Variants in VWA3B observed in about 807,000 individuals in gnomAD.
VWA3B encodes the protein von Willebrand factor A domain-containing protein 3B.
Under a neutral mutation model 158.3 loss-of-function variants are expected in VWA3B, and 138 were observed. That is an observed-to-expected ratio of 0.87 (90% CI 0.76 to 1.00). VWA3B has a LOEUF of 1.00. Among genes scored for constraint, VWA3B ranks in the 50% least tolerant of loss-of-function variants. The pLI is 0.00. For synonymous variants in VWA3B, 596 were observed against 587.3 expected, an observed-to-expected ratio of 1.01 and a Z score of -0.21; for missense variants, 1,555 against 1,565.1, an observed-to-expected ratio of 0.99 and a Z score of 0.11.
chr2:98,268,503 C>T (rs1687995860), intron 21 of VWA3B, among the ~76,000 whole-genome samples: 1 of 152,028 alleles, frequency 6.6e-6, no homozygotes, highest in African/African-American at 2.4e-5. Flanking sequence ...TTCTTCAGCT[C>T]TAGAATTTCT....
chr2:98,314,965 C>T (rs1447830166), downstream of VWA3B, among the ~76,000 whole-genome samples: 20 of 147,982 alleles, frequency 1.4e-4, no homozygotes, highest in Non-Finnish European at 2.2e-4. Flanking sequence ...GAGGTTACTC[C>T]GGAGCAAGAG....
At chr2:98,134,375 G>A (rs533629782) in intron 7 of VWA3B, among the ~76,000 whole-genome samples, 29 of 152,264 alleles carry the variant, frequency 1.9e-4, no homozygotes, top group African/African-American at 6.0e-4. Flanking sequence ...TTGTGAGGGC[G>A]GAGGCCGCAC....
intron 12 of VWA3B, among the ~76,000 whole-genome samples, chr2:98,199,584 C>A (rs947682705): frequency 1.3e-5 from 2 of 152,112 alleles, no homozygotes; most frequent in African/African-American, 4.8e-5. Context: ...AGGAGGGGGC[C>A]CTGAACTTAA....
At chr2:98,311,347 A>T (rs1013989819) in intron 26 of VWA3B, among the ~76,000 whole-genome samples, 1 of 152,234 alleles carries the variant, frequency 6.6e-6, no homozygotes, top group African/African-American at 2.4e-5. Context: ...TGTCATTACA[A>T]ATCATACCAT....
At chr2:98,320,917 A>T in the VWA3B span, among the ~76,000 whole-genome samples, 3 of 152,236 alleles carry the variant, frequency 2.0e-5, no homozygotes, top group Non-Finnish European at 4.4e-5. Context: ...AAATGTCTCC[A>T]GGCCCTGTCA....
intron 26 of VWA3B, among the ~76,000 whole-genome samples, chr2:98,306,215 G>A (rs1233188649): frequency 6.6e-6 from 1 of 151,732 alleles, no homozygotes; most frequent in Non-Finnish European, 1.5e-5. Flanking sequence ...GTAGTGAGGT[G>A]GCCCCACGGC....
chr2:98,169,267 T>C (rs887902299), intron 8 of VWA3B, among the ~76,000 whole-genome samples: 1 of 152,176 alleles, frequency 6.6e-6, no homozygotes, highest in Admixed American at 6.5e-5. Flanking sequence ...AATAAAAACA[T>C]TTTCAGACAT....
At position 98,279,902 on chromosome 2, in the gene VWA3B, G is replaced by T. The variant is rs192786302; in HGVS notation, c.3045+9019G>T. ...GAGAGCAAGGGGGATGCGTGAGTGG[G>T]GGCGGAATAGCCAGCCCAGAGGAGT... is the stretch of plus-strand genomic sequence containing the variant. On this transcript the variant is annotated intron_variant, in intron 22 of 27. Transcript: ENST00000477737. 2.6e-5 allele frequency among the ~76,000 whole-genome samples: 4 copies of T among 152,260 alleles called. No individual in the cohort carries two copies. In the East Asian group the frequency reaches 7.7e-4, roughly 29 times the overall value.
intron 8 of VWA3B, among the ~76,000 whole-genome samples, chr2:98,172,419 C>T (rs1679671052): frequency 6.6e-6 from 1 of 152,186 alleles, no homozygotes; most frequent in African/African-American, 2.4e-5. Flanking sequence ...CTGTGTGTTC[C>T]TCCTCCGATA....
intron 7 of VWA3B, among the ~76,000 whole-genome samples, chr2:98,145,652 C>T (rs1445774544): frequency 6.6e-6 from 1 of 152,096 alleles, no homozygotes; most frequent in Non-Finnish European, 1.5e-5. Context: ...ACAGTGAGTT[C>T]CATAGCACTT....
At chr2:98,155,340 C>G (rs983247130) in intron 7 of VWA3B, among the ~76,000 whole-genome samples, 1 of 152,194 alleles carries the variant, frequency 6.6e-6, no homozygotes, top group Non-Finnish European at 1.5e-5. Context: ...GATCAACACA[C>G]AACAGATGGG....
At chr2:98,097,293 TCTTTGTATAC>T (rs1019381008) in intron 2 of VWA3B, among the ~76,000 whole-genome samples, 1 of 152,194 alleles carries the variant, frequency 6.6e-6, no homozygotes, top group African/African-American at 2.4e-5. Flanking sequence ...TGTACCACCC[TCTTTGTATAC>T]CTTTGTATAC....
chr2:98,267,699 C>G (rs1338109751), intron 21 of VWA3B, among the ~76,000 whole-genome samples: 1 of 151,876 alleles, frequency 6.6e-6, no homozygotes. Context: ...CAGAGCAGAA[C>G]TGAAGGAAAT....
At chr2:98,103,163 A>G (rs1263350058) in intron 2 of VWA3B, among the ~76,000 whole-genome samples, 1 of 152,022 alleles carries the variant, frequency 6.6e-6, no homozygotes, top group Non-Finnish European at 1.5e-5. Flanking sequence ...CCTGATATTG[A>G]TAATTTGTGT....
chr2:98,311,727 G>A (rs1690905956), intron 26 of VWA3B, 92 bp from the exon 27 acceptor site: 1 of 1,400,000 alleles, frequency 7.1e-7, no homozygotes, highest in Non-Finnish European at 9.5e-7. Context: ...CGTGGGCAAG[G>A]AGCTGAGAAG....
chr2:98,291,964 G>T (rs1020722128), intron 23 of VWA3B: 1 of 151,810 alleles, frequency 6.6e-6, no homozygotes, highest in African/African-American at 2.4e-5. Flanking sequence ...ACATTGCAGG[G>T]CGGGTGTGGT....
chr2:98,327,773 C>G, the VWA3B span, among the ~76,000 whole-genome samples: 5 of 152,146 alleles, frequency 3.3e-5, no homozygotes, highest in Middle Eastern at 3.2e-3. Flanking sequence ...AGTCTGTCAG[C>G]AACAAACTCA....
chr2:98,225,344 A>C (rs913029980), intron 14 of VWA3B, among the ~76,000 whole-genome samples: 1 of 152,262 alleles, frequency 6.6e-6, no homozygotes, highest in Non-Finnish European at 1.5e-5. Context: ...AACAGGCTAA[A>C]GAAGAAAAAT....
At position 98,121,377 on chromosome 2, in the gene VWA3B, G is replaced by A; in HGVS notation, c.621G>A (p.Trp207Ter). ...TEQSIATAIS[W>*]VEKLTVELTV... ...AGTCCATAGCTACTGCCATCAGTTGGGTTGAGAAACTGACGGTTGAGCTGA... is the reference window on the plus strand; with the variant it reads ...AGTCCATAGCTACTGCCATCAGTTGAGTTGAGAAACTGACGGTTGAGCTGA... Residue 207 changes from tryptophan (W) to a stop codon, truncating the protein, a stop_gained, in exon 5 of 28, where the codon TGG becomes TGA. Coordinates refer to ENST00000477737, the MANE Select transcript of VWA3B (RefSeq NM_144992.5). LOFTEE classifies it high-confidence loss of function. The A allele has an allele frequency of 6.2e-7, 1 of 1,614,212 alleles. No individual in the cohort carries two copies. The highest frequency in any genetic ancestry group is 8.5e-7 in the Non-Finnish European group (1 of 1,180,034).
Sources: allele counts gnomAD v4.1 joint callset (sites outside exome capture counted in the v4.1 genomes callset), GRCh38; gene constraint gnomAD v4.1.1; transcripts MANE v1.5; gene names NCBI Gene and HGNC (gene_info 2026-07-23, HGNC 2026-07-21).